Variants in LRP1B observed in about 807,000 individuals in gnomAD.
LRP1B encodes LDL receptor related protein 1B, also known as low-density lipoprotein receptor-related protein 1B.
Under a neutral mutation model 556.6 loss-of-function variants are expected in LRP1B, and 217 were observed. The observed-to-expected ratio is 0.39, with a 90% CI of 0.35 to 0.44. LRP1B has a LOEUF of 0.44. Among genes scored for constraint, LRP1B ranks in the 20% least tolerant of loss-of-function variants. The probability of loss-of-function intolerance (pLI) is 1.00; values close to 1 mark genes in which losing one functional copy is unlikely to be tolerated. For missense variants in LRP1B, 5,053 were observed against 5,620.8 expected (o/e 0.90, Z 3.23); for synonymous variants, 2,047 against 1,865.8 (o/e 1.10, Z -2.50).
chr2:140,871,398 T>C (rs1693124043), intron 25 of LRP1B, among the ~76,000 whole-genome samples: 1 of 152,134 alleles, frequency 6.6e-6, no homozygotes, highest in Admixed American at 6.6e-5. Flanking sequence ...TCTTGCTAAC[T>C]GTTAAGGAAA....
At chr2:141,687,840 AG>A in intron 2 of LRP1B, among the ~76,000 whole-genome samples, 1 of 152,018 alleles carries the variant, frequency 6.6e-6, no homozygotes, top group African/African-American at 2.4e-5. Context: ...GCATATTTAT[AG>A]TTTATGGTTC....
chr2:140,335,618 C>G lies in LRP1B; in HGVS notation c.12113G>C (p.Arg4038Thr). ...EPYAIAVNPK[R>T]GMMYWTVVGD... ...AAATACTAAGCCATTAACCTACCCTCTTTTAGGATTTACTGCAATAGCATA... is the reference window on the plus strand; with the variant it reads ...AAATACTAAGCCATTAACCTACCCTGTTTTAGGATTTACTGCAATAGCATA... Residue 4038 changes from arginine (R) to threonine (T), a missense_variant, in exon 78 of 91, where the codon AGA becomes ACA. Coordinates refer to ENST00000389484, the MANE Select transcript of LRP1B (RefSeq NM_018557.3). 1.3e-6 allele frequency: 2 copies of G among 1,583,238 alleles called. No homozygotes were observed. The highest frequency in any genetic ancestry group is 1.7e-6 in the Non-Finnish European group (2 of 1,152,470).
At chr2:141,602,185 G>C (rs1687770957) in intron 2 of LRP1B, among the ~76,000 whole-genome samples, 1 of 152,248 alleles carries the variant, frequency 6.6e-6, no homozygotes, top group African/African-American at 2.4e-5. Context: ...TTAGGTCTCT[G>C]AATAGTCTTC....
At chr2:140,389,956 C>A (rs1683942296) in intron 66 of LRP1B, among the ~76,000 whole-genome samples, 1 of 151,742 alleles carries the variant, frequency 6.6e-6, no homozygotes, top group Non-Finnish European at 1.5e-5. Context: ...GATTGAAACC[C>A]CATCTCTACT....
At chr2:140,252,706 A>T (rs774655306) in intron 86 of LRP1B, among the ~76,000 whole-genome samples, 1 of 152,116 alleles carries the variant, frequency 6.6e-6, no homozygotes, top group Non-Finnish European at 1.5e-5. Context: ...AAGTGTAAGA[A>T]TTATCACACT....
At chr2:141,297,854 C>G (rs1293189914) in intron 3 of LRP1B, among the ~76,000 whole-genome samples, 1 of 152,066 alleles carries the variant, frequency 6.6e-6, no homozygotes, top group Non-Finnish European at 1.5e-5. Flanking sequence ...CAATTATGTA[C>G]AGTATCCAGT....
intron 29 of LRP1B, among the ~76,000 whole-genome samples, chr2:140,843,067 G>GTTTTTTTTTTTTTTTTTTTT (rs1232129942): frequency 9.4e-5 from 1 of 10,644 alleles, no homozygotes; most frequent in African/African-American, 2.3e-4. Context: ...TTTTTTTTTT[G>GTTTTTTTTTTTTTTTTTTTT]TTTTTTTTTT....
At chr2:140,634,311 C>A (rs1192315995) in intron 41 of LRP1B, among the ~76,000 whole-genome samples, 1 of 152,056 alleles carries the variant, frequency 6.6e-6, no homozygotes, top group Admixed American at 6.6e-5. Context: ...TTGATCACAG[C>A]TAACATACAT....
At chr2:140,683,237 T>G in intron 41 of LRP1B, 1 of 276,602 alleles carries the variant, frequency 3.6e-6, no homozygotes, top group Non-Finnish European at 7.0e-6. Flanking sequence ...TGAACACTGG[T>G]CTGTGTATCC....
chr2:141,273,121 C>T (rs1178419597), intron 3 of LRP1B, among the ~76,000 whole-genome samples: 3 of 152,038 alleles, frequency 2.0e-5, no homozygotes, highest in Non-Finnish European at 2.9e-5. Context: ...CCAGCCTGGC[C>T]AATTTGGTGA....
intron 42 of LRP1B, among the ~76,000 whole-genome samples, chr2:140,599,547 A>G (rs1221723308): frequency 6.6e-6 from 1 of 152,096 alleles, no homozygotes; most frequent in Non-Finnish European, 1.5e-5. Context: ...GTATTTTATG[A>G]CACTTATTAC....
chr2:141,628,714 T>A lies in LRP1B; in HGVS notation c.206-148181A>T, dbSNP rs532810526. Among the ~76,000 whole-genome samples the A allele has an allele frequency of 1.2e-4, 18 of 152,024 alleles. No individual in the cohort carries two copies. In the South Asian group the frequency reaches 3.5e-3, roughly 30 times the overall value. ...CCCAGGCTGGAGTACAGTGGCACAA[T>A]CTCAGCTCACCACAGTCTCTACCTC... On this transcript the variant is annotated intron_variant, in intron 2 of 90. Coordinates refer to ENST00000389484, the MANE Select transcript of LRP1B (RefSeq NM_018557.3).
At chr2:141,477,143 A>AACAAAC (rs75379214) in intron 3 of LRP1B, among the ~76,000 whole-genome samples, 5 of 150,894 alleles carry the variant, frequency 3.3e-5, no homozygotes, top group Admixed American at 6.6e-5. Flanking sequence ...CAAACAAACA[A>AACAAAC]AAAAAACCCC....
At chr2:140,488,856 A>C (rs528311204) in intron 57 of LRP1B, among the ~76,000 whole-genome samples, 3 of 152,056 alleles carry the variant, frequency 2.0e-5, no homozygotes, top group South Asian at 4.1e-4. Context: ...AGAGACAAGC[A>C]TCTTCAGAGA....
intron 7 of LRP1B, among the ~76,000 whole-genome samples, chr2:141,063,224 G>A (rs1004735479): frequency 6.6e-6 from 1 of 151,776 alleles, no homozygotes; most frequent in South Asian, 2.1e-4. Flanking sequence ...ATTACCTAGA[G>A]TATAAAATAT....
At chr2:140,455,572 T>C (rs141455396) in intron 62 of LRP1B, among the ~76,000 whole-genome samples, 1 of 152,272 alleles carries the variant, frequency 6.6e-6, no homozygotes, top group East Asian at 1.9e-4. Context: ...CTCTACACAT[T>C]CTGGCTCCCT....
rs967724784 is a variant in LRP1B, at chr2:141,507,432, C to A, written c.206-26899G>T. On this transcript the variant is annotated intron_variant, in intron 2 of 90. Coordinates refer to ENST00000389484, the MANE Select transcript of LRP1B (RefSeq NM_018557.3). ...AAATGATATAGATATTTTCCAATTACAAAATTATTCAAGCAAAATTATTCA... is the reference window on the plus strand; with the variant it reads ...AAATGATATAGATATTTTCCAATTAAAAAATTATTCAAGCAAAATTATTCA... 7.9e-5 allele frequency among the ~76,000 whole-genome samples: 12 copies of A among 152,190 alleles called. No individual in the cohort carries two copies. The South Asian group carries it at 1.7e-3, about 21-fold the overall frequency.
At chr2:141,451,646 A>C (rs1351586826) in intron 3 of LRP1B, among the ~76,000 whole-genome samples, 3 of 152,180 alleles carry the variant, frequency 2.0e-5, no homozygotes, top group Non-Finnish European at 4.4e-5. Context: ...ACTGGCCACA[A>C]ACAGAAGGGC....
chr2:141,698,115 C>G (rs1469100135), intron 2 of LRP1B, among the ~76,000 whole-genome samples: 1 of 151,882 alleles, frequency 6.6e-6, no homozygotes, highest in Non-Finnish European at 1.5e-5. Context: ...AGCATTCTTA[C>G]TTTGTGCTTA....
Sources: allele counts gnomAD v4.1 joint callset (sites outside exome capture counted in the v4.1 genomes callset), GRCh38; gene constraint gnomAD v4.1.1; transcripts MANE v1.5; gene names NCBI Gene and HGNC (gene_info 2026-07-23, HGNC 2026-07-21).